Variants in GALNTL6 observed in about 807,000 individuals in gnomAD.
GALNTL6 encodes the protein polypeptide N-acetylgalactosaminyltransferase-like 6.
In GALNTL6, 46 loss-of-function variants were observed where a neutral mutation model predicts 73.7. The observed-to-expected ratio is 0.62, with a 90% CI of 0.49 to 0.80. The LOEUF (loss-of-function observed/expected upper bound fraction) is 0.80. GALNTL6 is among the 30% of genes least tolerant of loss of function. The pLI, the probability that GALNTL6 is intolerant of heterozygous loss-of-function variation, is 0.00. For missense variants in GALNTL6, 604 were observed against 755.0 expected (o/e 0.80, Z 2.34); for synonymous variants, 259 against 263.7 (o/e 0.98, Z 0.17).
At chr4:171,912,182 A>G (rs1200326375) in intron 2 of GALNTL6, among the ~76,000 whole-genome samples, 1 of 152,212 alleles carries the variant, frequency 6.6e-6, no homozygotes, top group Admixed American at 6.5e-5. Flanking sequence ...TAAGATGCTA[A>G]AGTAGATCCT....
intron 2 of GALNTL6, among the ~76,000 whole-genome samples, chr4:171,991,621 G>T (rs1740335806): frequency 6.6e-6 from 1 of 151,258 alleles, no homozygotes; most frequent in Non-Finnish European, 1.5e-5. Flanking sequence ...GCAAAGGAAA[G>T]AATACTTGAG....
chr4:172,003,479 C>T (rs945937690), intron 2 of GALNTL6, among the ~76,000 whole-genome samples: 5 of 152,084 alleles, frequency 3.3e-5, no homozygotes, highest in Admixed American at 2.0e-4. Flanking sequence ...CTGTTCCTCA[C>T]GTTTCTCTTA....
At chr4:172,837,703 T>A (rs1046890508) in intron 7 of GALNTL6, among the ~76,000 whole-genome samples, 2 of 152,212 alleles carry the variant, frequency 1.3e-5, no homozygotes, top group Non-Finnish European at 2.9e-5. Context: ...TTTCTTCCTG[T>A]ACTGATCCAC....
chr4:172,033,744 G>A lies in GALNTL6; in HGVS notation c.139-195912G>A, dbSNP rs186429362. On this transcript the variant is annotated intron_variant, in intron 2 of 12. Coordinates refer to ENST00000506823, the MANE Select transcript of GALNTL6 (RefSeq NM_001034845.3). Reference sequence around the variant, plus strand: ...AATCACTGGCATGTTTACTATGACTGCTTTCTTGCTACAGTGGCAGAGTTG... The same window carrying A: ...AATCACTGGCATGTTTACTATGACTACTTTCTTGCTACAGTGGCAGAGTTG... 2.5e-3 allele frequency among the ~76,000 whole-genome samples: 383 copies of A among 152,222 alleles called. 1 individual carries two copies. Among genetic ancestry groups the A allele is most frequent in the African/African-American group, 8.9e-3 (368 of 41,544 alleles).
At chr4:172,481,055 C>G (rs1445770066) in intron 5 of GALNTL6, among the ~76,000 whole-genome samples, 1 of 152,142 alleles carries the variant, frequency 6.6e-6, no homozygotes, top group East Asian at 1.9e-4. Flanking sequence ...TGGACTATCG[C>G]GGTGAGTGTT....
At chr4:172,078,058 A>G (rs984698599) in intron 2 of GALNTL6, among the ~76,000 whole-genome samples, 4 of 152,182 alleles carry the variant, frequency 2.6e-5, no homozygotes, top group African/African-American at 9.7e-5. Flanking sequence ...TGGGTGCACA[A>G]AAGGCCAGAG....
chr4:172,963,515 G>A (rs147980319), intron 10 of GALNTL6, among the ~76,000 whole-genome samples: 104 of 152,216 alleles, frequency 6.8e-4, no homozygotes, highest in Admixed American at 1.2e-3. Flanking sequence ...CTGCTCTTTC[G>A]CAGAAAGACA....
At chr4:172,232,782 G>A (rs1737111721) in intron 3 of GALNTL6, among the ~76,000 whole-genome samples, 1 of 152,030 alleles carries the variant, frequency 6.6e-6, no homozygotes, top group African/African-American at 2.4e-5. Flanking sequence ...AAATGTAGTT[G>A]ATATCTTTTT....
chr4:172,352,322 A>G (rs954928978), intron 5 of GALNTL6, among the ~76,000 whole-genome samples: 3 of 152,182 alleles, frequency 2.0e-5, no homozygotes, highest in Admixed American at 6.5e-5. Flanking sequence ...GCCTCAGAAC[A>G]TAAGTCCACC....
At chr4:172,297,088 A>T (rs1036127135) in intron 3 of GALNTL6, among the ~76,000 whole-genome samples, 1 of 151,890 alleles carries the variant, frequency 6.6e-6, no homozygotes, top group African/African-American at 2.4e-5. Flanking sequence ...CGTGGTTTTG[A>T]TTTGCATTTC....
At chr4:172,765,338 A>G (rs1209298704) in intron 5 of GALNTL6, among the ~76,000 whole-genome samples, 1 of 152,202 alleles carries the variant, frequency 6.6e-6, no homozygotes, top group African/African-American at 2.4e-5. Context: ...TAGAAAATTT[A>G]GTTTCATGTT....
intron 2 of GALNTL6, among the ~76,000 whole-genome samples, chr4:172,225,995 A>G (rs1736852477): frequency 6.6e-6 from 1 of 152,168 alleles, no homozygotes; most frequent in South Asian, 2.1e-4. Context: ...TTGCTAGAGC[A>G]CTAATAGTGG....
chr4:172,873,274 G>A (rs1180273791), intron 7 of GALNTL6, among the ~76,000 whole-genome samples: 2 of 152,328 alleles, frequency 1.3e-5, no homozygotes, highest in African/African-American at 4.8e-5. Flanking sequence ...TACTTAATGT[G>A]TTACAAAGAC....
chr4:172,813,807 A>G (rs749326569), intron 7 of GALNTL6, 84 bp downstream of exon 7: 33 of 1,047,724 alleles, frequency 3.1e-5, no homozygotes, highest in Non-Finnish European at 4.2e-5. Context: ...GAAGACAATT[A>G]TCTCTAACAA....
chr4:172,785,185 G>A (rs1216892847), intron 5 of GALNTL6, among the ~76,000 whole-genome samples: 1 of 152,138 alleles, frequency 6.6e-6, no homozygotes, highest in African/African-American at 2.4e-5. Context: ...CTGAAAATTT[G>A]TGAACGAAGT....
chr4:172,756,282 C>G (rs969545326), intron 5 of GALNTL6, among the ~76,000 whole-genome samples: 1 of 152,112 alleles, frequency 6.6e-6, no homozygotes, highest in Admixed American at 6.5e-5. Context: ...CTTAAATATG[C>G]AATTAAAAAA....
At chr4:172,534,129 GC>G (rs1735262933) in intron 5 of GALNTL6, among the ~76,000 whole-genome samples, 1 of 152,188 alleles carries the variant, frequency 6.6e-6, no homozygotes, top group Non-Finnish European at 1.5e-5. Flanking sequence ...GTGAGGAACT[GC>G]AAAAACAGAG....
intron 2 of GALNTL6, among the ~76,000 whole-genome samples, chr4:171,957,412 TTGGTCCC>T (rs1014838659): frequency 4.6e-5 from 7 of 152,166 alleles, no homozygotes; most frequent in Admixed American, 1.3e-4. Flanking sequence ...ATTACTCACT[TTGGTCCC>T]TGGTAAAGGC....
intron 5 of GALNTL6, among the ~76,000 whole-genome samples, chr4:172,760,524 T>C (rs1017201003): frequency 2.6e-5 from 4 of 152,238 alleles, no homozygotes; most frequent in Non-Finnish European, 5.9e-5. Context: ...TCTGCTGTGA[T>C]GACCTCTTTT....
Sources: allele counts gnomAD v4.1 joint callset (sites outside exome capture counted in the v4.1 genomes callset), GRCh38; gene constraint gnomAD v4.1.1; transcripts MANE v1.5; gene names NCBI Gene and HGNC (gene_info 2026-07-23, HGNC 2026-07-21).